Variants in CA12 observed in about 807,000 individuals in gnomAD.
The protein encoded by CA12 is carbonic anhydrase 12.
In CA12, 36 loss-of-function variants were observed where a neutral mutation model predicts 46.8. The observed-to-expected ratio is 0.77, with a 90% CI of 0.59 to 1.02. The LOEUF (loss-of-function observed/expected upper bound fraction) is 1.02. Ranked by LOEUF, CA12 falls within the 50% of genes least tolerant of loss-of-function variation. CA12 has a pLI of 0.00. For missense variants in CA12, 436 were observed against 451.4 expected, an observed-to-expected ratio of 0.97 and a Z score of 0.31; for synonymous variants, 202 against 187.0, an observed-to-expected ratio of 1.08 and a Z score of -0.65.
At chr15:63,364,346 A>AAAAAAAAAAAAC (rs1555431593) in intron 2 of CA12, among the ~76,000 whole-genome samples, 2 of 146,888 alleles carry the variant, frequency 1.4e-5, no homozygotes, top group Non-Finnish European at 3.0e-5. Flanking sequence ...AAAAAAAAAA[A>AAAAAAAAAAAAC]AAAAAAAAAC....
intron 2 of CA12, chr15:63,375,334 A>G (rs1274790979): frequency 3.5e-6 from 1 of 287,682 alleles, no homozygotes; most frequent in Non-Finnish European, 6.5e-6. Context: ...TCTCCTGCCC[A>G]GGACCCTTGC....
chr15:63,363,587 A>C (rs1384861642), intron 2 of CA12, among the ~76,000 whole-genome samples: 2 of 152,224 alleles, frequency 1.3e-5, no homozygotes, highest in African/African-American at 4.8e-5. Flanking sequence ...ACTGCTGTGC[A>C]TGCAGCAGGC....
At chr15:63,376,237 C>T (rs1041986293) in intron 1 of CA12, among the ~76,000 whole-genome samples, 4 of 152,126 alleles carry the variant, frequency 2.6e-5, no homozygotes, top group African/African-American at 7.2e-5. Context: ...TGAGCAGGTG[C>T]CTTCCAGACA....
chr15:63,369,375 G>C (rs2039473007), intron 2 of CA12, among the ~76,000 whole-genome samples: 1 of 152,186 alleles, frequency 6.6e-6, no homozygotes, highest in Admixed American at 6.5e-5. Context: ...GCGAGGCAAA[G>C]AGAAAGAAAC....
intron 2 of CA12, among the ~76,000 whole-genome samples, chr15:63,371,690 A>G (rs186177624): frequency 2.6e-5 from 4 of 152,348 alleles, no homozygotes; most frequent in South Asian, 4.1e-4. Context: ...TTTCTCAACC[A>G]GCTCACATCC....
rs1329740528 is a variant in CA12, at chr15:63,341,360, C to T, written c.526-577G>A. 6.6e-6 allele frequency among the ~76,000 whole-genome samples: 1 copy of T among 152,250 alleles called. No homozygotes were observed. The highest frequency in any genetic ancestry group is 1.5e-5 in the Non-Finnish European group (1 of 68,044). On this transcript the variant is annotated intron_variant, in intron 5 of 10. Coordinates refer to ENST00000178638, the MANE Select transcript of CA12 (RefSeq NM_001218.5). This position sits in a 1 kb window ranked among gnomAD's most constrained non-coding sequence, Gnocchi z 5.2. ...GTGAGCAGCGGGCAAGCAAGCATTA[C>T]AGCCTGAGCTCCGCCCCCTGTCAAA...
intron 8 of CA12, among the ~76,000 whole-genome samples, chr15:63,334,898 C>G (rs1211119350): frequency 6.6e-6 from 1 of 152,186 alleles, no homozygotes; most frequent in Non-Finnish European, 1.5e-5. Flanking sequence ...TGTTCTGCCT[C>G]AGTAACTTCA....
chr15:63,351,270 G>C (rs2039226832), intron 2 of CA12, among the ~76,000 whole-genome samples: 2 of 152,152 alleles, frequency 1.3e-5, no homozygotes, highest in Admixed American at 1.3e-4. Context: ...TGCTTCCATG[G>C]GTTAGGCCCT....
intron 2 of CA12, among the ~76,000 whole-genome samples, chr15:63,371,220 G>A (rs1462135885): frequency 6.6e-6 from 1 of 152,202 alleles, no homozygotes; most frequent in Non-Finnish European, 1.5e-5. Flanking sequence ...GCGGGTGGAG[G>A]TGTGGGCCTG....
Position 63,340,928 on chromosome 15 carries a change from C to A in CA12, c.526-145G>T. The A allele has an allele frequency of 1.4e-6, 1 of 728,336 alleles. No homozygotes were observed. The highest frequency in any genetic ancestry group is 2.5e-6 in the Non-Finnish European group (1 of 399,186). The allele number at this position is 728,336 out of a possible 1,614,324, so 45.1% of individuals were successfully genotyped here. ...ACTTTACTGGACAATTATGATGGATCACTAGGCTCTTGGGAGTTAGTGTAA... is the reference window on the plus strand; with the variant it reads ...ACTTTACTGGACAATTATGATGGATAACTAGGCTCTTGGGAGTTAGTGTAA... On this transcript the variant is annotated intron_variant, in intron 5 of 10. Transcript: ENST00000178638. This position sits in a 1 kb window ranked among gnomAD's most constrained non-coding sequence, Gnocchi z 4.4.
rs896389457 is a variant in CA12, at chr15:63,340,195, T to C, written c.747+93A>G. ...GGTTTTGAAGAGCTGCCAATGAAAC[T>C]AAATGAGGAAATCAAGTCATTGATT... is the stretch of plus-strand genomic sequence containing the variant. On this transcript the variant is annotated intron_variant, in intron 7 of 10. Transcript: ENST00000178638. This position sits in a 1 kb window ranked among gnomAD's most constrained non-coding sequence, Gnocchi z 4.4. 7.0e-7 allele frequency: 1 copy of C among 1,429,912 alleles called. No individual in the cohort carries two copies. The highest frequency in any genetic ancestry group is 9.8e-7 in the Non-Finnish European group (1 of 1,020,948). 88.6% of individuals were successfully genotyped at this position (1,429,912 alleles called of 1,614,324 possible). A position where few individuals can be genotyped will look rare whatever the true frequency, so the allele number is the denominator to read the frequency against.
chr15:63,334,708 G>A lies in CA12; in HGVS notation c.874+4111C>T, dbSNP rs570599005. Among the ~76,000 whole-genome samples, 10 of 152,210 alleles carry A rather than the reference G, an allele frequency of 6.6e-5. No homozygotes were observed. In the South Asian group the frequency reaches 2.1e-3, roughly 32 times the overall value. On this transcript the variant is annotated intron_variant, in intron 8 of 10. Coordinates refer to ENST00000178638, the MANE Select transcript of CA12 (RefSeq NM_001218.5). The stretch of plus-strand genomic sequence containing the variant: ...GGGAGAGAGAAAAAGAATAAAGGGG[G>A]GATCCTGAAGAAGTTGCTACTTCAG...
rs1220628358 is a variant in CA12 at position 63,345,312 on chromosome 15, G to A, written c.429+165C>T. 6.6e-6 allele frequency among the ~76,000 whole-genome samples: 1 copy of A among 152,240 alleles called. No individual in the cohort carries two copies. The highest frequency in any genetic ancestry group is 1.5e-5 in the Non-Finnish European group (1 of 68,040). ...ACCAGGACAGTGCAGATGAGCTACA[G>A]GCTAGTGGAGTGGCTGCGCCCCTTG... On this transcript the variant is annotated intron_variant, in intron 4 of 10. Coordinates refer to ENST00000178638, the MANE Select transcript of CA12 (RefSeq NM_001218.5). This position sits in a 1 kb window ranked among gnomAD's most constrained non-coding sequence, Gnocchi z 4.3.
Position 63,381,648 on chromosome 15 carries a change from C to T in CA12, c.73G>A (p.Ala25Thr), listed in dbSNP as rs149728115. Residue 25 changes from alanine to threonine, a missense_variant, in exon 1 of 11, where the codon GCC becomes ACC. By Grantham distance (58) the Ala-to-Thr change is moderately conservative. Coordinates refer to ENST00000178638, the MANE Select transcript of CA12 (RefSeq NM_001218.5). ...GCGGAAACTTTACCGTTCACTGGGGCCGGGCTGGAAGGCTGTTCCTTTAAG... is the reference window on the plus strand; with the variant it reads ...GCGGAAACTTTACCGTTCACTGGGGTCGGGCTGGAAGGCTGTTCCTTTAAG... ...VILKEQPSSP[A>T]PVNGSKWTYF... 5.8e-4 allele frequency: 937 copies of T among 1,611,312 alleles called. 5 individuals are homozygous for T. The African/African-American group carries it at 0.011, about 20-fold the overall frequency.
intron 8 of CA12, among the ~76,000 whole-genome samples, chr15:63,335,430 T>C (rs1490638977): frequency 6.6e-6 from 1 of 152,002 alleles, no homozygotes; most frequent in Non-Finnish European, 1.5e-5. Context: ...AAAGTCCATG[T>C]ACTTTCTCTC....
At chr15:63,353,475 C>G (rs914801743) in intron 2 of CA12, among the ~76,000 whole-genome samples, 2 of 152,208 alleles carry the variant, frequency 1.3e-5, no homozygotes, top group African/African-American at 4.8e-5. Context: ...TGCCCTGTGC[C>G]AAGGCTGAGC....
At position 63,340,043 on chromosome 15, in the gene CA12, T is replaced by C; in HGVS notation, c.747+245A>G. ...CAGCCACTGAGGATATATTAGCAAA[T>C]GCAGATTTAGAGCTCTTTTTTTTAA... On this transcript the variant is annotated intron_variant, in intron 7 of 10. Coordinates refer to ENST00000178638, the MANE Select transcript of CA12 (RefSeq NM_001218.5). This position sits in a 1 kb window ranked among gnomAD's most constrained non-coding sequence, Gnocchi z 4.4. 1.9e-6 allele frequency: 1 copy of C among 537,920 alleles called. No homozygotes were observed. The highest frequency in any genetic ancestry group is 3.3e-6 in the Non-Finnish European group (1 of 300,240). 33.3% of individuals were successfully genotyped at this position (537,920 alleles called of 1,614,324 possible). A position where few individuals can be genotyped will look rare whatever the true frequency, so the allele number is the denominator to read the frequency against.
rs562722898 is a variant in CA12 at position 63,331,472 on chromosome 15, A to G, written c.875-3342T>C. Among the ~76,000 whole-genome samples the G allele has an allele frequency of 1.3e-5, 2 of 152,348 alleles. No homozygotes were observed. Among genetic ancestry groups the G allele is most frequent in the African/African-American group, 4.8e-5 (2 of 41,586 alleles). Reference sequence around the variant, plus strand: ...GGAAGAACAATGGGACAGACAGTAGAAATGGAGACAGGCTAGGTCACAGAG... The same window carrying G: ...GGAAGAACAATGGGACAGACAGTAGGAATGGAGACAGGCTAGGTCACAGAG... On this transcript the variant is annotated intron_variant, in intron 8 of 10. Transcript: ENST00000178638. This position sits in a 1 kb window ranked among gnomAD's most constrained non-coding sequence, Gnocchi z 5.3.
At chr15:63,363,882 A>G (rs2039398142) in intron 2 of CA12, among the ~76,000 whole-genome samples, 1 of 152,170 alleles carries the variant, frequency 6.6e-6, no homozygotes, top group African/African-American at 2.4e-5. Flanking sequence ...TTCCACTAAA[A>G]GGCTTATCAA....
Sources: allele counts gnomAD v4.1 joint callset (sites outside exome capture counted in the v4.1 genomes callset), GRCh38; gene constraint gnomAD v4.1.1; non-coding constraint Gnocchi (gnomAD v3.1); transcripts MANE v1.5; gene names NCBI Gene and HGNC (gene_info 2026-07-23, HGNC 2026-07-21).